CNTNAP5: variants seen among roughly 807,000 people sequenced by gnomAD.
The protein encoded by CNTNAP5 is contactin-associated protein-like 5.
In CNTNAP5, 72 loss-of-function variants were observed where a neutral mutation model predicts 150.2. The observed-to-expected ratio is 0.48, with a 90% CI of 0.40 to 0.58. The LOEUF is 0.58. CNTNAP5 is among the 20% of genes least tolerant of loss of function. The pLI, the probability that CNTNAP5 is intolerant of heterozygous loss-of-function variation, is 0.00. For missense variants in CNTNAP5, 1,636 were observed against 1,626.2 expected, an observed-to-expected ratio of 1.01 and a Z score of -0.10; for synonymous variants, 672 against 619.8, an observed-to-expected ratio of 1.08 and a Z score of -1.25.
At chr2:124,789,792 A>T in intron 17 of CNTNAP5, 110 bp from the exon 18 acceptor site, 1 of 940,940 alleles carries the variant, frequency 1.1e-6, no homozygotes, top group Non-Finnish European at 1.6e-6. Flanking sequence ...ATTAATTTAG[A>T]CCTTCATGAC....
At chr2:124,540,609 T>G (rs1196729578) in intron 10 of CNTNAP5, among the ~76,000 whole-genome samples, 2 of 152,126 alleles carry the variant, frequency 1.3e-5, no homozygotes, top group Non-Finnish European at 2.9e-5. Context: ...GATCTTAGAG[T>G]CATGTCATTG....
At chr2:124,362,399 A>C (rs534493177) in intron 3 of CNTNAP5, among the ~76,000 whole-genome samples, 1 of 152,372 alleles carries the variant, frequency 6.6e-6, no homozygotes, top group South Asian at 2.1e-4. Flanking sequence ...GGATATATCG[A>C]CTAAGTATTG....
chr2:124,822,375 G>C (rs547732873), intron 19 of CNTNAP5, among the ~76,000 whole-genome samples: 1 of 152,186 alleles, frequency 6.6e-6, no homozygotes, highest in African/African-American at 2.4e-5. Flanking sequence ...CATTCTTTGA[G>C]ACTAGCTTTA....
chr2:124,255,740 GAAGT>G (rs1177818770), intron 3 of CNTNAP5, among the ~76,000 whole-genome samples: 2 of 152,000 alleles, frequency 1.3e-5, no homozygotes, highest in Non-Finnish European at 2.9e-5. Context: ...CACAGGATTT[GAAGT>G]AAGGAATCCA....
chr2:124,336,066 C>G (rs955716108), intron 3 of CNTNAP5, among the ~76,000 whole-genome samples: 2 of 151,788 alleles, frequency 1.3e-5, no homozygotes, highest in African/African-American at 4.8e-5. Context: ...AAAACCTAGG[C>G]AATTCTGAAG....
At chr2:124,631,491 A>G (rs189467099) in intron 12 of CNTNAP5, among the ~76,000 whole-genome samples, 2 of 152,310 alleles carry the variant, frequency 1.3e-5, no homozygotes, top group East Asian at 3.9e-4. Flanking sequence ...TCCCTATTTA[A>G]TAAGGTGCTG....
rs574241294 is a variant in CNTNAP5, at chr2:124,846,990, G to A, written c.3218-18316G>A. Among the ~76,000 whole-genome samples the A allele has an allele frequency of 1.1e-4, 17 of 152,304 alleles. 1 individual carries two copies. The highest frequency in any genetic ancestry group is 4.1e-4 in the African/African-American group (17 of 41,586). Reference sequence around the variant, plus strand: ...AGTGGAGGTAGCAGGGGAATGAAGTGGACTCTGTGAGGGTCTTTGGTTGTG... The same window carrying A: ...AGTGGAGGTAGCAGGGGAATGAAGTAGACTCTGTGAGGGTCTTTGGTTGTG... On this transcript the variant is annotated intron_variant, in intron 19 of 23. Transcript: ENST00000682447.
At chr2:124,562,073 G>A (rs1308091268) in intron 10 of CNTNAP5, among the ~76,000 whole-genome samples, 1 of 152,122 alleles carries the variant, frequency 6.6e-6, no homozygotes, top group African/African-American at 2.4e-5. Context: ...TATAAGAGGT[G>A]CAAAGAATAA....
intron 18 of CNTNAP5, among the ~76,000 whole-genome samples, chr2:124,795,708 G>A (rs894710743): frequency 6.6e-6 from 1 of 152,090 alleles, no homozygotes; most frequent in Non-Finnish European, 1.5e-5. Flanking sequence ...AGTAGAAATG[G>A]GGTTTTGCCA....
At chr2:124,329,740 G>A (rs1398290147) in intron 3 of CNTNAP5, among the ~76,000 whole-genome samples, 5 of 152,146 alleles carry the variant, frequency 3.3e-5, no homozygotes, top group African/African-American at 7.2e-5. Flanking sequence ...TATTTCAGAA[G>A]GTAGTGTTTG....
chr2:124,504,499 G>A lies in CNTNAP5; in HGVS notation c.1270G>A (p.Gly424Arg), dbSNP rs1204627137. ...SGTLLLSLEG[G>R]ILRLVIQKMT... ...AACCCTGCTGCTGAGCCTGGAGGGT[G>A]GAATCCTGAGACTCGTGATTCAGAA... The change falls in exon 8 of 24, where the codon GGA (glycine) becomes AGA (arginine). Residue 424 changes from glycine (G) to arginine (R), a missense_variant. Transcript: ENST00000682447. 1.2e-6 allele frequency: 2 copies of A among 1,613,792 alleles called. No individual in the cohort carries two copies. The highest frequency in any genetic ancestry group is 3.3e-5 in the Admixed American group (2 of 59,998).
At chr2:124,865,213 G>T (rs1677605876) in intron 19 of CNTNAP5, 93 bp from the exon 20 acceptor site, 2 of 969,274 alleles carry the variant, frequency 2.1e-6, no homozygotes, top group Non-Finnish European at 3.0e-6. Flanking sequence ...TAAGACCTGG[G>T]GCCCTAATAA....
intron 3 of CNTNAP5, among the ~76,000 whole-genome samples, chr2:124,266,332 T>C (rs1172269623): frequency 6.6e-6 from 1 of 152,162 alleles, no homozygotes; most frequent in East Asian, 1.9e-4. Context: ...TAAATCAACA[T>C]ATTATATTAA....
chr2:124,572,782 G>A (rs753156552), intron 11 of CNTNAP5, among the ~76,000 whole-genome samples: 12 of 152,132 alleles, frequency 7.9e-5, no homozygotes, highest in Non-Finnish European at 1.3e-4. Flanking sequence ...CTTCAGATTT[G>A]CACATCTCTT....
chr2:124,882,803 C>A (rs1677993748), intron 21 of CNTNAP5, among the ~76,000 whole-genome samples: 1 of 151,880 alleles, frequency 6.6e-6, no homozygotes. Flanking sequence ...GCTGGGGAGG[C>A]CTCACAATCA....
chr2:124,365,316 A>G (rs1353514548), intron 3 of CNTNAP5, among the ~76,000 whole-genome samples: 1 of 149,546 alleles, frequency 6.7e-6, no homozygotes, highest in African/African-American at 2.5e-5. Context: ...ACTCTGTCCC[A>G]AAAAAAGGAA....
At chr2:124,394,752 T>G (rs996238269) in intron 3 of CNTNAP5, among the ~76,000 whole-genome samples, 5 of 152,172 alleles carry the variant, frequency 3.3e-5, no homozygotes, top group Admixed American at 6.5e-5. Context: ...CAAGTCTCAT[T>G]GTGGTGGAGA....
At chr2:124,475,587 A>G (rs1162621017) in intron 7 of CNTNAP5, among the ~76,000 whole-genome samples, 1 of 152,114 alleles carries the variant, frequency 6.6e-6, no homozygotes, top group Non-Finnish European at 1.5e-5. Context: ...TTTGGTACAT[A>G]CACATTTAGT....
chr2:124,713,318 C>CTTTCCTTT (rs1553434509), intron 13 of CNTNAP5, among the ~76,000 whole-genome samples: 2 of 43,966 alleles, frequency 4.5e-5, no homozygotes, highest in African/African-American at 1.6e-4. Context: ...CTCTTTCTTT[C>CTTTCCTTT]CTTTCTTTCT....
Sources: allele counts gnomAD v4.1 joint callset (sites outside exome capture counted in the v4.1 genomes callset), GRCh38; gene constraint gnomAD v4.1.1; transcripts MANE v1.5; gene names NCBI Gene and HGNC (gene_info 2026-07-23, HGNC 2026-07-21).